Variants in DZIP1 observed in about 807,000 individuals in gnomAD.
DZIP1 encodes DAZ interacting zinc finger protein 1.
In DZIP1, 97 loss-of-function variants were observed where a neutral mutation model predicts 107.6. That is an observed-to-expected ratio of 0.90 (90% CI 0.77 to 1.07). The LOEUF is 1.07. Ranked by LOEUF, DZIP1 falls within the 50% of genes least tolerant of loss-of-function variation. The pLI is 0.00. For synonymous variants in DZIP1, 390 were observed against 386.4 expected (o/e 1.01, Z -0.11); for missense variants, 1,035 against 1,063.6 (o/e 0.97, Z 0.37).
intron 14 of DZIP1, 48 bp downstream of exon 14, chr13:95,605,955 C>A: frequency 1.3e-6 from 2 of 1,580,798 alleles, no homozygotes; most frequent in South Asian, 2.3e-5. Context: ...TTATCCAACT[C>A]AGGGTGGCAA....
chr13:95,630,839 G>T, intron 6 of DZIP1: 1 of 867,200 alleles, frequency 1.2e-6, no homozygotes, highest in Non-Finnish European at 1.7e-6. Flanking sequence ...TCGTTTCAGA[G>T]TCTGAAACCC....
At chr13:95,607,442 A>G (rs2044818401) in intron 13 of DZIP1, among the ~76,000 whole-genome samples, 1 of 152,236 alleles carries the variant, frequency 6.6e-6, no homozygotes, top group Non-Finnish European at 1.5e-5. Flanking sequence ...AAACTCTGGA[A>G]ATACTGCCTT....
intron 11 of DZIP1, 147 bp from the exon 12 acceptor site, chr13:95,611,640 AG>A (rs2045010445): frequency 1.5e-6 from 1 of 680,896 alleles, no homozygotes; most frequent in South Asian, 2.1e-5. Flanking sequence ...AAAAGCATAG[AG>A]GCAGAAGTTA....
intron 9 of DZIP1, among the ~76,000 whole-genome samples, chr13:95,620,566 G>A (rs999753981): frequency 6.6e-6 from 1 of 152,090 alleles, no homozygotes; most frequent in African/African-American, 2.4e-5. Context: ...AGGCTCTGGG[G>A]GCCAGACAAC....
chr13:95,622,465 G>T lies in DZIP1; in HGVS notation c.988C>A (p.Gln330Lys). ...SALEYQLSEI[Q>K]KSNMQIKSNI... Reference sequence around the variant, plus strand: ...GACTTGATCTGCATATTGGACTTCTGGATTTCTGACAGTTGCTATAAGATA... The same window carrying T: ...GACTTGATCTGCATATTGGACTTCTTGATTTCTGACAGTTGCTATAAGATA... Residue 330 changes from glutamine to lysine, a missense_variant, in exon 9 of 23, where the codon CAG (glutamine) becomes AAG (lysine). Coordinates refer to ENST00000376829, the MANE Select transcript of DZIP1 (RefSeq NM_198968.4). 6.2e-7 allele frequency: 1 copy of T among 1,614,112 alleles called. No individual in the cohort carries two copies. The highest frequency in any genetic ancestry group is 8.5e-7 in the Non-Finnish European group (1 of 1,180,020).
At chr13:95,594,621 G>A (rs1329862668) in intron 15 of DZIP1, among the ~76,000 whole-genome samples, 1 of 151,966 alleles carries the variant, frequency 6.6e-6, no homozygotes, top group Admixed American at 6.6e-5. Flanking sequence ...ACAACATAGC[G>A]AGATCCCATT....
At chr13:95,630,749 T>A in intron 6 of DZIP1, 1 of 1,282,818 alleles carries the variant, frequency 7.8e-7, no homozygotes, top group South Asian at 1.3e-5. Context: ...GATGTACATG[T>A]GTCTGTGAGT....
At chr13:95,606,924 T>A (rs1360342213) in intron 13 of DZIP1, among the ~76,000 whole-genome samples, 3 of 152,252 alleles carry the variant, frequency 2.0e-5, no homozygotes, top group African/African-American at 7.2e-5. Flanking sequence ...TATTTATTTA[T>A]CCAGTTTGTT....
intron 7 of DZIP1, among the ~76,000 whole-genome samples, chr13:95,625,232 A>T (rs1230227605): frequency 2.0e-5 from 3 of 152,206 alleles, no homozygotes; most frequent in Non-Finnish European, 4.4e-5. Context: ...TAAAATGTAA[A>T]TATACTTTAA....
In DZIP1 at chr13:95,642,110, C is replaced by T. The variant is rs909916331; in HGVS notation, c.-81G>A. On this transcript the variant is annotated 5_prime_UTR_variant, in exon 4 of 23. Coordinates refer to ENST00000376829, the MANE Select transcript of DZIP1 (RefSeq NM_198968.4). ...CACAGCCCTCAGGAGCGGGAGAAGG[C>T]CGGGTTCCTCGCTTCCGCGGCGGCG... The T allele has an allele frequency of 1.4e-6, 2 of 1,427,362 alleles. No individual in the cohort carries two copies. Among genetic ancestry groups the T allele is most frequent in the African/African-American group, 3.0e-5 (2 of 66,282 alleles). 88.4% of individuals were successfully genotyped at this position (1,427,362 alleles called of 1,614,324 possible). A position where few individuals can be genotyped will look rare whatever the true frequency, so the allele number is the denominator to read the frequency against.
intron 6 of DZIP1, among the ~76,000 whole-genome samples, chr13:95,631,917 C>T (rs747707622): frequency 6.6e-6 from 1 of 152,160 alleles, no homozygotes; most frequent in Non-Finnish European, 1.5e-5. Flanking sequence ...CACCAACAAC[C>T]GTCTTGACAA....
intron 10 of DZIP1, among the ~76,000 whole-genome samples, chr13:95,617,090 T>C (rs900864085): frequency 6.6e-6 from 1 of 151,914 alleles, no homozygotes; most frequent in African/African-American, 2.4e-5. Flanking sequence ...TAATCCCAGC[T>C]ACTCGGGAGG....
At chr13:95,619,787 A>G in intron 10 of DZIP1, 98 bp downstream of exon 10, 1 of 1,236,124 alleles carries the variant, frequency 8.1e-7, no homozygotes, top group South Asian at 1.4e-5. Context: ...TTTCTCCCCA[A>G]ATGTTATTAA....
rs777840175 is a variant in DZIP1 at position 95,612,056 on chromosome 13, A to G, written c.1295T>C (p.Ile432Thr). The change falls in exon 11 of 23, where the codon ATT becomes ACT. Residue 432 changes from isoleucine (I) to threonine (T), a missense_variant. Coordinates refer to ENST00000376829, the MANE Select transcript of DZIP1 (RefSeq NM_198968.4). ...GQRLQEQNEL[I>T]ITQRQQIKDF... ...ACATACCTGCTGTCTCTGAGTTATA[A>G]TCAGCTCATTCTGCTCCTGGAGTCT... The G allele has an allele frequency of 1.9e-6, 3 of 1,613,738 alleles. No homozygotes were observed. The Admixed American group carries it at 5.0e-5, about 27-fold the overall frequency.
At position 95,587,619 on chromosome 13, in the gene DZIP1, C is replaced by G. The variant is rs201380520; in HGVS notation, c.2138G>C (p.Gly713Ala). The G allele has an allele frequency of 1.0e-4, 165 of 1,614,092 alleles. 1 individual carries two copies. The East Asian group carries it at 3.4e-3, about 33-fold the overall frequency. ...VPPPQNKGSF[G>A]KNTVKSDADG... ...CGCGTCACTTTTCACTGTGTTCTTCCCGAAGCTGCCCTTGTTTTGTGGTGG... is the reference window on the plus strand; with the variant it reads ...CGCGTCACTTTTCACTGTGTTCTTCGCGAAGCTGCCCTTGTTTTGTGGTGG... The change falls in exon 20 of 23, where the codon GGG becomes GCG. Residue 713 changes from glycine (G) to alanine (A), a missense_variant. Physicochemically the swap from Gly to Ala is moderately conservative, Grantham distance 60. Transcript: ENST00000376829.
chr13:95,622,587 T>TTGGACGCTCC (rs1427338150), intron 8 of DZIP1, 107 bp from the exon 9 acceptor site: 2 of 1,334,816 alleles, frequency 1.5e-6, no homozygotes, highest in African/African-American at 2.9e-5. Flanking sequence ...GACTGCCCTC[T>TTGGACGCTCC]TGGACGCTCC....
intron 10 of DZIP1, among the ~76,000 whole-genome samples, chr13:95,612,467 A>G (rs1259044150): frequency 2.6e-5 from 4 of 152,224 alleles, no homozygotes; most frequent in African/African-American, 9.6e-5. Context: ...GCAACGATAA[A>G]GGATTCAGGC....
At chr13:95,591,065 G>C (rs1289174723) in intron 16 of DZIP1, among the ~76,000 whole-genome samples, 1 of 136,256 alleles carries the variant, frequency 7.3e-6, no homozygotes, top group East Asian at 2.1e-4. Flanking sequence ...GTCTCGCCCT[G>C]TTGCCCAGGC....
chr13:95,601,379 A>G (rs2044613722), intron 14 of DZIP1, among the ~76,000 whole-genome samples: 1 of 152,174 alleles, frequency 6.6e-6, no homozygotes. Context: ...GCAGGGTGAC[A>G]GTCAAAACAC....
Sources: allele counts gnomAD v4.1 joint callset (sites outside exome capture counted in the v4.1 genomes callset), GRCh38; gene constraint gnomAD v4.1.1; transcripts MANE v1.5; gene names NCBI Gene and HGNC (gene_info 2026-07-23, HGNC 2026-07-21).